The following SGCD variants were observed in gnomAD, a reference collection of about 807,000 sequenced individuals.
SGCD encodes sarcoglycan delta.
A neutral mutation model predicts 36.6 loss-of-function variants in SGCD; 18 were observed. That is an observed-to-expected ratio of 0.49 (90% CI 0.34 to 0.73). The LOEUF (loss-of-function observed/expected upper bound fraction) is 0.73. SGCD is among the 30% of genes least tolerant of loss of function. SGCD has a pLI of 0.01. For missense variants in SGCD, 387 were observed against 346.7 expected (o/e 1.12, Z -0.92); for synonymous variants, 133 against 130.6 (o/e 1.02, Z -0.12).
At chr5:156,246,784 T>C (rs974932543) in intron 3 of SGCD, among the ~76,000 whole-genome samples, 3 of 152,192 alleles carry the variant, frequency 2.0e-5, no homozygotes, top group Non-Finnish European at 2.9e-5. Context: ...TATAAATGGC[T>C]TTCCGCGTTC....
chr5:156,250,302 G>A (rs961663604), intron 3 of SGCD, among the ~76,000 whole-genome samples: 1 of 152,204 alleles, frequency 6.6e-6, no homozygotes, highest in Non-Finnish European at 1.5e-5. Flanking sequence ...GAAAGGATGA[G>A]TGATGGTTAT....
chr5:155,868,164 G>C (rs181980551), upstream of SGCD, among the ~76,000 whole-genome samples: 2 of 151,824 alleles, frequency 1.3e-5, no homozygotes, highest in Non-Finnish European at 2.9e-5. Context: ...CAATTCTTAG[G>C]CCTCAGCCTC....
intron 7 of SGCD, among the ~76,000 whole-genome samples, chr5:156,724,475 C>T (rs921929862): frequency 3.3e-5 from 5 of 151,998 alleles, no homozygotes; most frequent in East Asian, 1.9e-4. Context: ...GGCATGGTGG[C>T]GGGCACCTGC....
chr5:156,348,425 C>G (rs1769058620), intron 3 of SGCD, among the ~76,000 whole-genome samples: 1 of 152,132 alleles, frequency 6.6e-6, no homozygotes, highest in South Asian at 2.1e-4. Flanking sequence ...GTTACAAAAT[C>G]AATGTACACA....
chr5:155,889,043 T>A (rs1351958054), intron 1 of SGCD, among the ~76,000 whole-genome samples: 1 of 152,222 alleles, frequency 6.6e-6, no homozygotes, highest in Non-Finnish European at 1.5e-5. Flanking sequence ...ATTTATATAT[T>A]TGTACATCAA....
intron 4 of SGCD, among the ~76,000 whole-genome samples, chr5:156,554,644 T>TTA (rs1263548018): frequency 3.2e-4 from 47 of 147,822 alleles, no homozygotes; most frequent in Admixed American, 8.2e-4. Flanking sequence ...ATAATATATA[T>TTA]TATATATATA....
At chr5:156,275,576 T>C (rs572867442) in intron 3 of SGCD, among the ~76,000 whole-genome samples, 18 of 152,296 alleles carry the variant, frequency 1.2e-4, no homozygotes, top group African/African-American at 4.3e-4. Context: ...CTTCTTTTTG[T>C]TCATTGGATA....
At chr5:155,901,980 T>G (rs1056995432) in intron 1 of SGCD, among the ~76,000 whole-genome samples, 11 of 152,314 alleles carry the variant, frequency 7.2e-5, no homozygotes, top group African/African-American at 2.4e-4. Context: ...TTACCCTGCT[T>G]CACTGTTTGT....
intron 1 of SGCD, among the ~76,000 whole-genome samples, chr5:156,073,254 C>T (rs1489791821): frequency 1.3e-5 from 2 of 152,056 alleles, no homozygotes; most frequent in Admixed American, 6.6e-5. Context: ...TACCTGATTT[C>T]CCCTCTATTA....
In SGCD at chr5:156,757,717, A is replaced by G. The variant is rs1757394918; in HGVS notation, c.699+13A>G. 1.9e-6 allele frequency: 3 copies of G among 1,594,484 alleles called. No individual in the cohort carries two copies. Among genetic ancestry groups the G allele is most frequent in the Non-Finnish European group, 2.6e-6 (3 of 1,172,274 alleles). On this transcript the variant is annotated intron_variant, in intron 8 of 8. Transcript: ENST00000337851. ...CAAAGATGGAGAGGTGAGGGATGAG[A>G]AGGACAGAAGTTCAAAGAGCTACAG...
chr5:156,386,768 G>A (rs191364591), intron 3 of SGCD, among the ~76,000 whole-genome samples: 3 of 152,286 alleles, frequency 2.0e-5, no homozygotes, highest in Admixed American at 1.3e-4. Flanking sequence ...CACAAGTGTT[G>A]GCTTTTTTGT....
At chr5:156,487,698 G>A (rs1490019372) in intron 3 of SGCD, among the ~76,000 whole-genome samples, 1 of 143,802 alleles carries the variant, frequency 7.0e-6, no homozygotes, top group African/African-American at 2.5e-5. Context: ...TGAGGCAGGA[G>A]AATTGCTTGA....
upstream of SGCD, among the ~76,000 whole-genome samples, chr5:156,326,381 A>G (rs1016553438): frequency 2.0e-5 from 3 of 152,222 alleles, no homozygotes; most frequent in Admixed American, 6.5e-5. Flanking sequence ...TAACCATAAC[A>G]CACATTCCAA....
intron 3 of SGCD, among the ~76,000 whole-genome samples, chr5:156,356,499 A>G (rs1769497478): frequency 6.6e-6 from 1 of 152,308 alleles, no homozygotes; most frequent in Non-Finnish European, 1.5e-5. Context: ...TAGCATTGTT[A>G]TGAACCAGAC....
intron 7 of SGCD, among the ~76,000 whole-genome samples, chr5:156,671,389 C>T (rs1328090611): frequency 2.0e-5 from 3 of 151,580 alleles, no homozygotes; most frequent in Non-Finnish European, 4.4e-5. Flanking sequence ...TCTCCCGCCT[C>T]AGCCTCCTGA....
chr5:156,233,587 G>C (rs1561576941), intron 3 of SGCD, among the ~76,000 whole-genome samples: 1 of 152,218 alleles, frequency 6.6e-6, no homozygotes, highest in African/African-American at 2.4e-5. Context: ...GGGGATGGGA[G>C]TTGGAAACAA....
At chr5:156,667,248 T>A (rs1753087098) in intron 7 of SGCD, among the ~76,000 whole-genome samples, 1 of 152,136 alleles carries the variant, frequency 6.6e-6, no homozygotes, top group Non-Finnish European at 1.5e-5. Context: ...GAAAGACACA[T>A]ACAAAGAGAC....
intron 3 of SGCD, among the ~76,000 whole-genome samples, chr5:156,279,673 A>G (rs989831578): frequency 6.6e-6 from 1 of 151,998 alleles, no homozygotes; most frequent in African/African-American, 2.4e-5. Flanking sequence ...TCCTCGAGGC[A>G]TTTTTTCTCT....
intron 1 of SGCD, among the ~76,000 whole-genome samples, chr5:156,042,581 A>G (rs534897616): frequency 2.0e-5 from 3 of 152,284 alleles, no homozygotes; most frequent in Admixed American, 1.3e-4. Context: ...GAGGTTTTCA[A>G]GGATAGTTTT....
Sources: gnomAD v4.1 joint callset for allele counts (sites outside exome capture counted in the v4.1 genomes callset) on GRCh38, gnomAD v4.1.1 for gene constraint, MANE v1.5 for transcripts, NCBI Gene and HGNC (gene_info 2026-07-23, HGNC 2026-07-21) for gene names.